PINX1: variants seen among roughly 807,000 people sequenced by gnomAD.
The protein encoded by PINX1 is PIN2 (TERF1) interacting telomerase inhibitor 1.
In PINX1, 34 loss-of-function variants were observed where a neutral mutation model predicts 25.4. The ratio of observed to expected loss-of-function variants is 1.34; its 90% CI spans 1.02 to 1.78. The LOEUF is 1.78. Ranked by LOEUF, PINX1 falls within the 40% of genes most tolerant of loss-of-function variation. The pLI is 0.00. For synonymous variants in PINX1, 197 were observed against 147.7 expected, an observed-to-expected ratio of 1.33 and a Z score of -2.42; for missense variants, 592 against 404.9, an observed-to-expected ratio of 1.46 and a Z score of -3.97.
chr8:10,796,399 A>T (rs953319163), intron 6 of PINX1, among the ~76,000 whole-genome samples: 2 of 152,034 alleles, frequency 1.3e-5, no homozygotes, highest in East Asian at 1.9e-4. Flanking sequence ...TTCCATTTCT[A>T]CCTCTCGTAT....
At chr8:10,791,675 TTTGTGGCGGCTGCTGATGTGC>T (rs1273133589) in intron 6 of PINX1, among the ~76,000 whole-genome samples, 1 of 152,222 alleles carries the variant, frequency 6.6e-6, no homozygotes, top group African/African-American at 2.4e-5. Flanking sequence ...AGCCCCCATC[TTTGTGGCGGCTGCTGATGTGC>T]TTGGGCGATC....
chr8:10,783,902 G>A (rs1023160947), intron 6 of PINX1, among the ~76,000 whole-genome samples: 24 of 152,190 alleles, frequency 1.6e-4, no homozygotes, highest in African/African-American at 5.8e-4. Flanking sequence ...AGACACAGAT[G>A]ACTAGAAAGT....
chr8:10,822,674 A>G (rs1250506092), intron 5 of PINX1, among the ~76,000 whole-genome samples: 1 of 152,230 alleles, frequency 6.6e-6, no homozygotes, highest in South Asian at 2.1e-4. Flanking sequence ...AGAAATACAC[A>G]TGGGAGGCAA....
chr8:10,820,857 A>G (rs1016673665), intron 5 of PINX1, among the ~76,000 whole-genome samples: 2 of 152,256 alleles, frequency 1.3e-5, no homozygotes, highest in African/African-American at 4.8e-5. Flanking sequence ...TTCTTCTTAA[A>G]ATGTTCTTTA....
intron 6 of PINX1, among the ~76,000 whole-genome samples, chr8:10,781,454 A>G (rs1801583153): frequency 6.6e-6 from 1 of 152,266 alleles, no homozygotes; most frequent in African/African-American, 2.4e-5. Context: ...TGTATCTGAT[A>G]TAAAGTTAAT....
At chr8:10,799,085 T>A (rs1802181007) in intron 6 of PINX1, among the ~76,000 whole-genome samples, 1 of 152,028 alleles carries the variant, frequency 6.6e-6, no homozygotes, top group African/African-American at 2.4e-5. Context: ...TATTATAATA[T>A]TTAAATTTTA....
At chr8:10,810,073 G>A (rs945041601) in intron 6 of PINX1, among the ~76,000 whole-genome samples, 2 of 152,162 alleles carry the variant, frequency 1.3e-5, no homozygotes, top group Admixed American at 6.5e-5. Flanking sequence ...GGTCTCGTGT[G>A]AACTCAGAGT....
chr8:10,788,043 G>T (rs537254924), intron 6 of PINX1, among the ~76,000 whole-genome samples: 1 of 152,298 alleles, frequency 6.6e-6, no homozygotes, highest in African/African-American at 2.4e-5. Context: ...TACTGTGACT[G>T]TGTGTTATGG....
intron 6 of PINX1, among the ~76,000 whole-genome samples, chr8:10,787,102 T>G (rs1801774192): frequency 6.6e-6 from 1 of 152,170 alleles, no homozygotes; most frequent in South Asian, 2.1e-4. Flanking sequence ...TTTTTATATT[T>G]TTGTAAAATA....
intron 6 of PINX1, among the ~76,000 whole-genome samples, chr8:10,770,710 C>G (rs976307535): frequency 3.9e-5 from 6 of 152,208 alleles, no homozygotes; most frequent in African/African-American, 1.4e-4. Flanking sequence ...GCAGTTTGCA[C>G]AGAGACCTTA....
chr8:10,765,824 T>C lies in PINX1; in HGVS notation c.564A>G (p.Ala188=), dbSNP rs1179512974. 3 of 1,613,894 alleles carry C rather than the reference T, an allele frequency of 1.9e-6. No homozygotes were observed. Among genetic ancestry groups the C allele is most frequent in the African/African-American group, 2.7e-5 (2 of 74,936 alleles). ...IQEYFAKRMA[A]LKNKPQVPVP... is the part of the protein sequence containing the mutation. ...CTGGAACCTGGGGCTTGTTCTTCAGTGCTGCCATCCGCTTGGCAAAGTACT... is the reference window on the plus strand; with the variant it reads ...CTGGAACCTGGGGCTTGTTCTTCAGCGCTGCCATCCGCTTGGCAAAGTACT... The change falls in exon 7 of 7, where the codon GCA becomes GCG. Residue 188 remains alanine (A), a synonymous_variant. Transcript: ENST00000314787.
chr8:10,807,180 G>A (rs1256965732), intron 6 of PINX1, among the ~76,000 whole-genome samples: 4 of 152,072 alleles, frequency 2.6e-5, no homozygotes, highest in Non-Finnish European at 4.4e-5. Flanking sequence ...AGGAACATAC[G>A]GTTGTATCCG....
intron 6 of PINX1, among the ~76,000 whole-genome samples, chr8:10,778,348 C>A (rs750575975): frequency 2.6e-5 from 4 of 152,062 alleles, no homozygotes; most frequent in Non-Finnish European, 5.9e-5. Context: ...CCAGGTTGAA[C>A]ATCCCTCTCG....
chr8:10,803,308 A>T (rs1802328164), intron 6 of PINX1, among the ~76,000 whole-genome samples: 2 of 152,256 alleles, frequency 1.3e-5, no homozygotes, highest in South Asian at 4.1e-4. Flanking sequence ...CAGTGCCATT[A>T]GCACATCTAA....
chr8:10,768,051 G>A (rs1197198879), intron 6 of PINX1, among the ~76,000 whole-genome samples: 1 of 94,826 alleles, frequency 1.1e-5, no homozygotes, highest in Non-Finnish European at 2.1e-5. Context: ...AGACAGGCTC[G>A]GTGACCAGGC....
At position 10,765,475 on chromosome 8, in the gene PINX1, G is replaced by A. The variant is rs774426599; in HGVS notation, c.913C>T (p.Pro305Ser). 2 of 1,613,384 alleles carry A rather than the reference G, an allele frequency of 1.2e-6. No individual in the cohort carries two copies. The highest frequency in any genetic ancestry group is 8.5e-7 in the Non-Finnish European group (1 of 1,179,864). ...GTAGCGTCCTCTGCTATCTCTACTG[G>A]TTTTTGCAGCTTTTTCTTCCCTCTC... ...KRRGKKKLQK[P>S]VEIAEDATLE... is the part of the protein sequence containing the mutation. The change falls in exon 7 of 7, where the codon CCA becomes TCA. Residue 305 changes from proline to serine, a missense_variant. Pro to Ser is a moderately conservative substitution (Grantham distance 74). Coordinates refer to ENST00000314787, the MANE Select transcript of PINX1 (RefSeq NM_017884.6).
intron 6 of PINX1, among the ~76,000 whole-genome samples, chr8:10,779,540 A>ATC (rs548336579): frequency 6.6e-6 from 1 of 152,052 alleles, no homozygotes; most frequent in Non-Finnish European, 1.5e-5. Flanking sequence ...AACCCTCTGA[A>ATC]TCTCTCTCTC....
intron 6 of PINX1, among the ~76,000 whole-genome samples, chr8:10,795,831 T>A (rs557804495): frequency 6.6e-6 from 1 of 151,766 alleles, no homozygotes; most frequent in African/African-American, 2.4e-5. Flanking sequence ...TTATGACAGT[T>A]AGCAAAAAAC....
At chr8:10,807,009 CTG>C (rs1201909419) in intron 6 of PINX1, among the ~76,000 whole-genome samples, 2 of 152,180 alleles carry the variant, frequency 1.3e-5, no homozygotes, top group Non-Finnish European at 2.9e-5. Flanking sequence ...CATTAATTGA[CTG>C]TTAAATTACA....
Sources: gnomAD v4.1 joint callset for allele counts (sites outside exome capture counted in the v4.1 genomes callset) on GRCh38, gnomAD v4.1.1 for gene constraint, MANE v1.5 for transcripts, NCBI Gene and HGNC (gene_info 2026-07-23, HGNC 2026-07-21) for gene names.